Variants in GNG7 observed in about 807,000 individuals in gnomAD.
The protein encoded by GNG7 is guanine nucleotide-binding protein G(I)/G(S)/G(O) subunit gamma-7.
Under a neutral mutation model 4.0 loss-of-function variants are expected in GNG7, and 1 was observed. The ratio of observed to expected loss-of-function variants is 0.25; its 90% confidence interval spans 0.09 to 1.18. The LOEUF (loss-of-function observed/expected upper bound fraction) is 1.18. Ranked by LOEUF, GNG7 falls within the 50% of genes most tolerant of loss-of-function variation. GNG7 has a pLI of 0.50. For missense variants in GNG7, 86 were observed against 91.9 expected (o/e 0.94, Z 0.26); for synonymous variants, 34 against 36.9 (o/e 0.92, Z 0.29).
At chr19:2,522,708 C>T (rs1219962344) in intron 3 of GNG7, among the ~76,000 whole-genome samples, 3 of 118,476 alleles carry the variant, frequency 2.5e-5, no homozygotes, top group Non-Finnish European at 4.9e-5. Context: ...GCAGAGATCA[C>T]GCCACTGCAC....
intron 2 of GNG7, among the ~76,000 whole-genome samples, chr19:2,569,325 G>C (rs1432849853): frequency 6.6e-6 from 1 of 152,094 alleles, no homozygotes; most frequent in Non-Finnish European, 1.5e-5. Flanking sequence ...GCCCAGGCTG[G>C]AGTGCAGTGG....
chr19:2,550,426 A>T (rs982768179), intron 3 of GNG7, among the ~76,000 whole-genome samples: 1 of 152,068 alleles, frequency 6.6e-6, no homozygotes, highest in Admixed American at 6.6e-5. Flanking sequence ...CGGTTTCACC[A>T]TGTTGTTCAG....
chr19:2,686,205 T>C (rs2144905048), intron 1 of GNG7, among the ~76,000 whole-genome samples: 1 of 151,854 alleles, frequency 6.6e-6, no homozygotes, highest in African/African-American at 2.4e-5. Context: ...TCGCCCAGGC[T>C]GGAGTGCAGT....
chr19:2,696,692 A>G (rs1257771895), intron 1 of GNG7, among the ~76,000 whole-genome samples: 2 of 152,232 alleles, frequency 1.3e-5, no homozygotes, highest in Non-Finnish European at 2.9e-5. Context: ...TGTCACACGC[A>G]GTGAGAGACA....
chr19:2,662,041 C>T (rs1197211251), intron 1 of GNG7, among the ~76,000 whole-genome samples: 3 of 152,132 alleles, frequency 2.0e-5, no homozygotes, highest in African/African-American at 4.8e-5. Context: ...AGGTGGATCA[C>T]TTAAGATCAG....
At position 2,633,481 on chromosome 19, in the gene GNG7, GCGCGCGCACACACACA is replaced by G. The variant is rs1351167021; in HGVS notation, c.-78+12727_-78+12742del. Among the ~76,000 whole-genome samples the G allele has an allele frequency of 0.012, 940 of 80,444 alleles. 11 individuals carry two copies. Among genetic ancestry groups the G allele is most frequent in the African/African-American group, 0.035 (890 of 25,368 alleles). 52.8% of individuals were successfully genotyped at this position (80,444 alleles called of 152,430 possible). On this transcript the variant is annotated intron_variant, in intron 2 of 4. Coordinates refer to ENST00000382159, the MANE Select transcript of GNG7 (RefSeq NM_052847.3). This position sits in a 1 kb window ranked among gnomAD's most constrained non-coding sequence, Gnocchi z 5.9. ...GTTGCTTAGCAACAGGCGCGCGCGC[GCGCGCGCACACACACA>G]CACACACACACACACACACACACAC... is the stretch of plus-strand genomic sequence containing the variant.
At chr19:2,648,038 A>G (rs527958233) in intron 1 of GNG7, among the ~76,000 whole-genome samples, 6 of 150,844 alleles carry the variant, frequency 4.0e-5, no homozygotes, top group African/African-American at 1.5e-4. Flanking sequence ...AAAAAAAAAA[A>G]AAAAAAAAAA....
rs1026472641 is a variant in GNG7, at chr19:2,634,655, G to A, written c.-78+11569C>T. Among the ~76,000 whole-genome samples the A allele has an allele frequency of 7.9e-5, 12 of 152,260 alleles. No individual in the cohort carries two copies. The highest frequency in any genetic ancestry group is 3.4e-3 in the Middle Eastern group (1 of 294). On this transcript the variant is annotated intron_variant, in intron 2 of 4. Transcript: ENST00000382159. The surrounding 1 kb of genome is among the most constrained non-coding windows in gnomAD (Gnocchi z 5.3). The stretch of plus-strand genomic sequence containing the variant: ...AGCTGTGACCTTCCGGGAGCAGAGC[G>A]TTTTCAGGCTCTGGCTGTATATCTT...
intron 1 of GNG7, among the ~76,000 whole-genome samples, chr19:2,662,402 A>G (rs887401457): frequency 1.3e-5 from 2 of 151,904 alleles, no homozygotes; most frequent in Admixed American, 6.6e-5. Context: ...ACAGCCTTGG[A>G]CCCCACAGGT....
intron 2 of GNG7, among the ~76,000 whole-genome samples, chr19:2,599,734 C>T (rs1981142518): frequency 6.6e-6 from 1 of 152,150 alleles, no homozygotes; most frequent in Non-Finnish European, 1.5e-5. Context: ...GTCAGGAGTT[C>T]GAGACCAGCC....
rs529750217 is a variant in GNG7 at position 2,546,376 on chromosome 19, C to G, written c.-38+8773G>C. 3.4e-4 allele frequency among the ~76,000 whole-genome samples: 52 copies of G among 152,356 alleles called. No individual in the cohort carries two copies. The highest frequency in any genetic ancestry group is 1.2e-3 in the African/African-American group (48 of 41,588). On this transcript the variant is annotated intron_variant, in intron 3 of 4. Transcript: ENST00000382159. This position sits in a 1 kb window ranked among gnomAD's most constrained non-coding sequence, Gnocchi z 6.3. ...GCGGCTGTGTGTGGGGCCTTCCGTG[C>G]CAGCTCTGACCGTTGGTGGCTCTGT...
intron 2 of GNG7, among the ~76,000 whole-genome samples, chr19:2,615,887 G>A (rs1028318355): frequency 1.9e-4 from 29 of 152,172 alleles, no homozygotes; most frequent in Non-Finnish European, 3.5e-4. Context: ...GTGCACCCAC[G>A]GCAGCCAGCA....
At chr19:2,582,487 C>A (rs962035945) in intron 2 of GNG7, among the ~76,000 whole-genome samples, 1 of 146,948 alleles carries the variant, frequency 6.8e-6, no homozygotes, top group African/African-American at 2.4e-5. Flanking sequence ...CTTTAAATGA[C>A]AATTTTTTTT....
At chr19:2,690,104 G>T (rs902737977) in intron 1 of GNG7, among the ~76,000 whole-genome samples, 10 of 152,022 alleles carry the variant, frequency 6.6e-5, no homozygotes, top group Non-Finnish European at 1.5e-4. Context: ...AATGGAGGCC[G>T]GGCACGGTGG....
At chr19:2,665,363 G>T (rs919546215) in intron 1 of GNG7, among the ~76,000 whole-genome samples, 1 of 58,076 alleles carries the variant, frequency 1.7e-5, no homozygotes, top group Non-Finnish European at 3.7e-5. Context: ...GTGTCCCCTG[G>T]GGGGGGGGGG....
chr19:2,584,365 G>A (rs1343922823), intron 2 of GNG7, among the ~76,000 whole-genome samples: 1 of 151,152 alleles, frequency 6.6e-6, no homozygotes, highest in African/African-American at 2.4e-5. Context: ...GATTGCTAGA[G>A]CCCAGAAGTT....
At position 2,633,229 on chromosome 19, in the gene GNG7, C is replaced by A. The variant is rs773760540; in HGVS notation, c.-78+12995G>T. On this transcript the variant is annotated intron_variant, in intron 2 of 4. Coordinates refer to ENST00000382159, the MANE Select transcript of GNG7 (RefSeq NM_052847.3). This position sits in a 1 kb window ranked among gnomAD's most constrained non-coding sequence, Gnocchi z 5.9. Reference sequence around the variant, plus strand: ...CTGTCCTGGGCAATGGACTCTGACCCCTGCTGTAGAGGGTCAGAGAGGGTC... The same window carrying A: ...CTGTCCTGGGCAATGGACTCTGACCACTGCTGTAGAGGGTCAGAGAGGGTC... Among the ~76,000 whole-genome samples the A allele has an allele frequency of 6.6e-6, 1 of 152,174 alleles. No homozygotes were observed. Among genetic ancestry groups the A allele is most frequent in the Non-Finnish European group, 1.5e-5 (1 of 68,022 alleles).
chr19:2,608,738 G>A (rs1224757585), intron 2 of GNG7, among the ~76,000 whole-genome samples: 2 of 152,136 alleles, frequency 1.3e-5, no homozygotes, highest in East Asian at 3.9e-4. Flanking sequence ...ACTCTCCCGG[G>A]GTCTGCACTG....
In GNG7 at chr19:2,617,724, T is replaced by TTA. The variant is rs1555698032; in HGVS notation, c.-78+28499_-78+28500insTA. On this transcript the variant is annotated intron_variant, in intron 2 of 4. Transcript: ENST00000382159. The surrounding 1 kb of genome is among the most constrained non-coding windows in gnomAD (Gnocchi z 4.7). ...TCCTATTTTGTCTTTTCCTTTTTAT[T>TTA]TTTTTTTTTTTTGAGATAGGGTCTT... Among the ~76,000 whole-genome samples the TTA allele has an allele frequency of 4.6e-3, 679 of 146,390 alleles. 5 individuals are homozygous for TTA. Among genetic ancestry groups the TTA allele is most frequent in the African/African-American group, 0.016 (647 of 39,870 alleles).
Sources: allele counts gnomAD v4.1 joint callset (sites outside exome capture counted in the v4.1 genomes callset), GRCh38; gene constraint gnomAD v4.1.1; non-coding constraint Gnocchi (gnomAD v3.1); transcripts MANE v1.5; gene names NCBI Gene and HGNC (gene_info 2026-07-23, HGNC 2026-07-21).